OR56A3: variants seen among roughly 807,000 people sequenced by gnomAD.
OR56A3 encodes the protein olfactory receptor 56A3.
OR56A3 carries 23 observed loss-of-function variants against 17.5 expected under a neutral mutation model. The ratio of observed to expected loss-of-function variants is 1.32; its 90% CI spans 0.95 to 1.87. The LOEUF is 1.87. Ranked by LOEUF, OR56A3 falls within the 40% of genes most tolerant of loss-of-function variation. The probability of loss-of-function intolerance (pLI) is 0.00; values close to 1 mark genes in which losing one functional copy is unlikely to be tolerated. For synonymous variants in OR56A3, 175 were observed against 150.6 expected, an observed-to-expected ratio of 1.16 and a Z score of -1.19; for missense variants, 366 against 380.1, an observed-to-expected ratio of 0.96 and a Z score of 0.31.
the OR56A3 span, chr11:5,999,785 C>G: frequency 2.0e-5 from 3 of 152,050 alleles, no homozygotes; most frequent in African/African-American, 7.2e-5. Flanking sequence ...TAAAAGTAGC[C>G]ATGCAGAATT....
chr11:6,017,854 T>C, the OR56A3 span, among the ~76,000 whole-genome samples: 2 of 152,096 alleles, frequency 1.3e-5, no homozygotes, highest in East Asian at 1.9e-4. Flanking sequence ...AGACTGAAAG[T>C]GGAGAGATAG....
the OR56A3 span, among the ~76,000 whole-genome samples, chr11:5,998,604 G>C: frequency 6.6e-6 from 1 of 152,174 alleles, no homozygotes; most frequent in Admixed American, 6.5e-5. Flanking sequence ...ACCTGATTTT[G>C]AGAGAAGTTG....
At chr11:5,973,888 A>G in the OR56A3 span, among the ~76,000 whole-genome samples, 1 of 152,158 alleles carries the variant, frequency 6.6e-6, no homozygotes, top group Admixed American at 6.5e-5. Flanking sequence ...TTGCTTTGAT[A>G]CAGTTCTGCT....
rs1847901550 is a variant in OR56A3, at chr11:5,950,508, T to C, written c.*2214T>C. The C allele has an allele frequency of 6.6e-6, 1 of 152,148 alleles. No homozygotes were observed. The highest frequency in any genetic ancestry group is 1.5e-5 in the Non-Finnish European group (1 of 67,986). The allele number at this position is 152,148 out of a possible 1,614,324, so 9.4% of individuals were successfully genotyped here. A position where few individuals can be genotyped will look rare whatever the true frequency, so the allele number is the denominator to read the frequency against. The stretch of plus-strand genomic sequence containing the variant: ...AACAAGGTGAACAAGTTAACTATGG[T>C]TTTATCTCACCAAAATAGGTAATAT... On this transcript the variant is annotated 3_prime_UTR_variant, in exon 3 of 3. Transcript: ENST00000641160.
the OR56A3 span, chr11:5,994,687 A>G: frequency 1.2e-6 from 1 of 831,568 alleles, no homozygotes; most frequent in African/African-American, 1.6e-5. Context: ...CATCAGCAGC[A>G]AGACGGGCAT....
In OR56A3 at chr11:5,948,470, T is replaced by C. The variant is rs1181849186; in HGVS notation, c.*176T>C. On this transcript the variant is annotated 3_prime_UTR_variant, in exon 3 of 3. Transcript: ENST00000641160. ...TAAGTCTATCTTCCTTTTCACCCTT[T>C]TCTCAGAAATATTCTTGGCCCTCTC... is the stretch of plus-strand genomic sequence containing the variant. 16 of 564,976 alleles carry C rather than the reference T, an allele frequency of 2.8e-5. 1 individual carries two copies. Among genetic ancestry groups the C allele is most frequent in the South Asian group, 5.4e-5 (2 of 36,818 alleles). 35.0% of individuals were successfully genotyped at this position (564,976 alleles called of 1,614,324 possible).
the OR56A3 span, among the ~76,000 whole-genome samples, chr11:5,962,525 GCTTTT>G: frequency 2.7e-5 from 4 of 148,518 alleles, no homozygotes; most frequent in South Asian, 8.5e-4. Flanking sequence ...CAGATTCTGG[GCTTTT>G]CTTTTTTTTT....
chr11:6,006,144 A>C, the OR56A3 span: 1 of 152,224 alleles, frequency 6.6e-6, no homozygotes, highest in Non-Finnish European at 1.5e-5. Flanking sequence ...AATGCCTCCC[A>C]GATTTTTTAA....
the OR56A3 span, chr11:5,986,666 G>A: frequency 6.2e-7 from 1 of 1,613,978 alleles, no homozygotes; most frequent in Non-Finnish European, 8.5e-7. Context: ...GCCAGAACCA[G>A]GTCGATGGCA....
At chr11:5,945,627 C>T (rs961933462) in intron 2 of OR56A3, among the ~76,000 whole-genome samples, 1 of 149,060 alleles carries the variant, frequency 6.7e-6, no homozygotes, top group East Asian at 2.0e-4. Context: ...CTGAAGGAAC[C>T]CTAGAAATTA....
At chr11:6,016,035 C>T in the OR56A3 span, among the ~76,000 whole-genome samples, 1 of 152,054 alleles carries the variant, frequency 6.6e-6, no homozygotes, top group Non-Finnish European at 1.5e-5. Flanking sequence ...TTGTAATCTC[C>T]AATGTTGGAG....
Position 5,948,547 on chromosome 11 carries a change from T to G in OR56A3, c.*253T>G, listed in dbSNP as rs563031030. 8 of 429,938 alleles carry G rather than the reference T, an allele frequency of 1.9e-5. No homozygotes were observed. The highest frequency in any genetic ancestry group is 1.4e-4 in the African/African-American group (7 of 51,260). The allele number at this position is 429,938 out of a possible 1,614,324, so 26.6% of individuals were successfully genotyped here. On this transcript the variant is annotated 3_prime_UTR_variant, in exon 3 of 3. Coordinates refer to ENST00000641160, the MANE Select transcript of OR56A3 (RefSeq NM_001003443.3). Reference sequence around the variant, plus strand: ...ATTTTGTCCAAAACACTGACATTCCTTAAAGCAGATTTTAAAGTGAAAAAT... The same window carrying G: ...ATTTTGTCCAAAACACTGACATTCCGTAAAGCAGATTTTAAAGTGAAAAAT...
rs749951597 is a variant in OR56A3 at position 5,948,057 on chromosome 11, C to T, written c.711C>T (p.Ala237=). ...RAVLRLKAEG[A]VAKALSTCGS... ...TGCTGAGACTCAAGGCAGAGGGTGC[C>T]GTGGCAAAGGCCCTAAGCACATGTG... The change falls in exon 3 of 3, where the codon GCC becomes GCT. Residue 237 remains alanine (A), a synonymous_variant. Coordinates refer to ENST00000641160, the MANE Select transcript of OR56A3 (RefSeq NM_001003443.3). 4 of 1,614,194 alleles carry T rather than the reference C, an allele frequency of 2.5e-6. No individual in the cohort carries two copies. The highest frequency in any genetic ancestry group is 2.2e-5 in the East Asian group (1 of 44,872).
chr11:5,982,260 T>C, the OR56A3 span, among the ~76,000 whole-genome samples: 1 of 152,140 alleles, frequency 6.6e-6, no homozygotes, highest in African/African-American at 2.4e-5. Context: ...TACGTGTGCA[T>C]TGGCAGTGGA....
chr11:5,959,435 C>G, the OR56A3 span, among the ~76,000 whole-genome samples: 1 of 152,070 alleles, frequency 6.6e-6, no homozygotes, highest in Non-Finnish European at 1.5e-5. Context: ...CTTTCTTATA[C>G]CTGTTGGTCA....
At chr11:6,007,375 G>A in the OR56A3 span, among the ~76,000 whole-genome samples, 1 of 152,164 alleles carries the variant, frequency 6.6e-6, no homozygotes, top group African/African-American at 2.4e-5. Flanking sequence ...AAGTTCTAGA[G>A]ATCTAATGTG....
chr11:5,991,291 G>T, the OR56A3 span, among the ~76,000 whole-genome samples: 7 of 152,296 alleles, frequency 4.6e-5, no homozygotes, highest in Admixed American at 1.3e-4. Context: ...ACCATGAAGG[G>T]TTAAAGACAT....
chr11:5,967,482 C>T, the OR56A3 span: 1 of 1,112,640 alleles, frequency 9.0e-7, no homozygotes, highest in Non-Finnish European at 1.3e-6. Context: ...TTTAAATTTT[C>T]TATGCATCAT....
chr11:5,947,917 C>T lies in OR56A3; in HGVS notation c.571C>T (p.Leu191Phe). The T allele has an allele frequency of 1.9e-6, 3 of 1,614,196 alleles. No individual in the cohort carries two copies. The highest frequency in any genetic ancestry group is 2.5e-6 in the Non-Finnish European group (3 of 1,180,020). Residue 191 changes from leucine to phenylalanine, a missense_variant, in exon 3 of 3, where the codon CTC (leucine) becomes TTC (phenylalanine). Physicochemically the swap from Leu to Phe is conservative, Grantham distance 22. Coordinates refer to ENST00000641160, the MANE Select transcript of OR56A3 (RefSeq NM_001003443.3). ...CICANMSVSR[L>F]SCDDVTINHL... is the part of the protein sequence containing the mutation. The stretch of plus-strand genomic sequence containing the variant: ...CTGTGCCAATATGTCTGTTTCCAGA[C>T]TCTCCTGCGATGATGTCACCATCAA...
Sources: gnomAD v4.1 joint callset for allele counts (sites outside exome capture counted in the v4.1 genomes callset) on GRCh38, gnomAD v4.1.1 for gene constraint, MANE v1.5 for transcripts, NCBI Gene and HGNC (gene_info 2026-07-23, HGNC 2026-07-21) for gene names.